The following FREM1 variants were observed in gnomAD, a reference collection of about 807,000 sequenced individuals.
The protein encoded by FREM1 is FRAS1-related extracellular matrix protein 1.
In FREM1, 220 loss-of-function variants were observed where a neutral mutation model predicts 210.1. The observed-to-expected ratio is 1.05, with a 90% CI of 0.94 to 1.17. FREM1 has a LOEUF of 1.17. FREM1 is among the 50% of genes most tolerant of loss of function. The pLI is 0.00. For missense variants in FREM1, 3,454 were observed against 2,675.5 expected (o/e 1.29, Z -6.42); for synonymous variants, 1,189 against 980.2 (o/e 1.21, Z -3.98).
At chr9:14,858,177 CAAA>C (rs1564091845) in intron 4 of FREM1, among the ~76,000 whole-genome samples, 1 of 152,134 alleles carries the variant, frequency 6.6e-6, no homozygotes, top group African/African-American at 2.4e-5. Context: ...ATCACGCACT[CAAA>C]TCCTGCGTAT....
intron 25 of FREM1, among the ~76,000 whole-genome samples, chr9:14,773,598 C>A (rs564365940): frequency 8.1e-6 from 1 of 122,856 alleles, no homozygotes. Flanking sequence ...GGTTTTTACA[C>A]GTAATGATTT....
chr9:14,835,367 C>T (rs1824362809), intron 10 of FREM1, among the ~76,000 whole-genome samples: 1 of 152,156 alleles, frequency 6.6e-6, no homozygotes, highest in South Asian at 2.1e-4. Context: ...TTGTTTGCAT[C>T]AGTGCAATAA....
At chr9:14,754,916 G>A (rs1360768234) in intron 29 of FREM1, among the ~76,000 whole-genome samples, 3 of 152,164 alleles carry the variant, frequency 2.0e-5, no homozygotes, top group East Asian at 1.9e-4. Flanking sequence ...CCTGGGTGAC[G>A]CAGCGTGACT....
chr9:14,753,860 G>GT (rs1279203672), intron 29 of FREM1, among the ~76,000 whole-genome samples: 1 of 152,048 alleles, frequency 6.6e-6, no homozygotes, highest in Non-Finnish European at 1.5e-5. Flanking sequence ...ACAGCCAATT[G>GT]TTTTTTTCTT....
intron 25 of FREM1, among the ~76,000 whole-genome samples, chr9:14,771,823 G>C (rs1847620668): frequency 2.0e-5 from 3 of 152,014 alleles, no homozygotes; most frequent in Non-Finnish European, 4.4e-5. Flanking sequence ...GAATAAGGGA[G>C]AAAATGAATT....
At chr9:14,789,443 A>G (rs1366182149) in intron 22 of FREM1, among the ~76,000 whole-genome samples, 3 of 152,208 alleles carry the variant, frequency 2.0e-5, no homozygotes, top group African/African-American at 7.2e-5. Flanking sequence ...TGGGTAATCG[A>G]GCTCTTGGAA....
chr9:14,791,311 G>C (rs1324054719), intron 22 of FREM1, among the ~76,000 whole-genome samples: 2 of 152,150 alleles, frequency 1.3e-5, no homozygotes, highest in East Asian at 3.8e-4. Flanking sequence ...TATTGAGTTA[G>C]CAGTAAAACC....
intron 1 of FREM1, among the ~76,000 whole-genome samples, chr9:14,873,243 G>C (rs1484590011): frequency 9.2e-5 from 14 of 152,160 alleles, no homozygotes; most frequent in Non-Finnish European, 1.9e-4. Flanking sequence ...CAGAAGGAAT[G>C]GTACCAGCTC....
At chr9:14,861,098 AACATATATAC>A (rs1830275191) in intron 3 of FREM1, among the ~76,000 whole-genome samples, 2 of 63,436 alleles carry the variant, frequency 3.2e-5, no homozygotes, top group East Asian at 8.2e-4. Flanking sequence ...CATATATATA[AACATATATAC>A]ACATATATAT....
intron 5 of FREM1, among the ~76,000 whole-genome samples, chr9:14,857,151 C>T (rs1276462943): frequency 6.6e-6 from 1 of 152,072 alleles, no homozygotes; most frequent in Non-Finnish European, 1.5e-5. Context: ...TCCTCCCTCC[C>T]CCTAGTTTCC....
intron 5 of FREM1, among the ~76,000 whole-genome samples, chr9:14,852,476 C>T (rs150016290): frequency 3.9e-5 from 6 of 152,172 alleles, no homozygotes; most frequent in Admixed American, 1.3e-4. Context: ...TTGCTTGATG[C>T]CAGGAGTTTG....
intron 27 of FREM1, among the ~76,000 whole-genome samples, chr9:14,765,206 T>A (rs1296009660): frequency 6.6e-6 from 1 of 152,234 alleles, no homozygotes; most frequent in East Asian, 1.9e-4. Context: ...TAGATGATGC[T>A]ATTAAACTCC....
Position 14,774,299 on chromosome 9 carries a change from T to C in FREM1, c.4857+1490A>G, listed in dbSNP as rs1019506244. The stretch of plus-strand genomic sequence containing the variant: ...TGAGTAAAGAGATCACCCTCCATAA[T>C]GCAAGTGGGCTTCAACCAATCAGTT... On this transcript the variant is annotated intron_variant, in intron 25 of 36. Transcript: ENST00000380880. 28 of 402,886 alleles carry C rather than the reference T, an allele frequency of 6.9e-5. No individual in the cohort carries two copies. The Admixed American group carries it at 7.1e-4, about 10-fold the overall frequency. The allele number at this position is 402,886 out of a possible 1,614,324, so 25.0% of individuals were successfully genotyped here. A position where few individuals can be genotyped will look rare whatever the true frequency, so the allele number is the denominator to read the frequency against.
intron 25 of FREM1, among the ~76,000 whole-genome samples, chr9:14,772,329 C>T (rs896044373): frequency 1.3e-5 from 2 of 152,020 alleles, no homozygotes; most frequent in Non-Finnish European, 2.9e-5. Flanking sequence ...TAAACCATCT[C>T]GACCTGAGAC....
In FREM1 at chr9:14,813,018, A is replaced by C. The variant is rs200132311; in HGVS notation, c.2687T>G (p.Met896Arg). The C allele has an allele frequency of 6.8e-6, 11 of 1,613,924 alleles. No individual in the cohort carries two copies. Among genetic ancestry groups the C allele is most frequent in the Non-Finnish European group, 9.3e-6 (11 of 1,179,824 alleles). ...DEPPVLKADL[M>R]PVMNCSEGGE... ...TCCCTCTGAGCAATTCATGACAGGC[A>C]TGAGGTCAGCCTTTAAGACTGGTGG... is the stretch of plus-strand genomic sequence containing the variant. Residue 896 changes from methionine (M) to arginine (R), a missense_variant, in exon 16 of 37, where the codon ATG becomes AGG. By Grantham distance (91) the Met-to-Arg change is moderately conservative. Coordinates refer to ENST00000380880, the MANE Select transcript of FREM1 (RefSeq NM_001379081.2).
chr9:14,864,712 T>C lies in FREM1; in HGVS notation c.235-809A>G, dbSNP rs867741976. Among the ~76,000 whole-genome samples the C allele has an allele frequency of 2.6e-5, 4 of 152,370 alleles. No homozygotes were observed. The South Asian group carries it at 8.3e-4, about 32-fold the overall frequency. ...GCCCAATCTGACTCTGGTAGAGTTC[T>C]AATACCCTTGAGGTATGCACGCATG... is the stretch of plus-strand genomic sequence containing the variant. On this transcript the variant is annotated intron_variant, in intron 2 of 36. Coordinates refer to ENST00000380880, the MANE Select transcript of FREM1 (RefSeq NM_001379081.2).
chr9:14,881,303 C>T (rs1462250001), intron 1 of FREM1, among the ~76,000 whole-genome samples: 1 of 152,198 alleles, frequency 6.6e-6, no homozygotes, highest in Non-Finnish European at 1.5e-5. Flanking sequence ...TCTAGACCAG[C>T]CACACCCCTT....
At chr9:14,908,145 G>A (rs2132766757) in intron 1 of FREM1, among the ~76,000 whole-genome samples, 1 of 152,302 alleles carries the variant, frequency 6.6e-6, no homozygotes, top group Admixed American at 6.5e-5. Flanking sequence ...GCCAGAAAAT[G>A]CAAGGATGGG....
At chr9:14,907,458 A>G (rs767320477) in intron 1 of FREM1, among the ~76,000 whole-genome samples, 1 of 152,222 alleles carries the variant, frequency 6.6e-6, no homozygotes, top group Non-Finnish European at 1.5e-5. Context: ...TGAAAGGGTC[A>G]GGTTGCAAGC....
Sources: allele counts gnomAD v4.1 joint callset (sites outside exome capture counted in the v4.1 genomes callset), GRCh38; gene constraint gnomAD v4.1.1; transcripts MANE v1.5; gene names NCBI Gene and HGNC (gene_info 2026-07-23, HGNC 2026-07-21).